The following MRPL48 variants were observed in gnomAD, a reference collection of about 807,000 sequenced individuals.
MRPL48 encodes the protein mitochondrial ribosomal protein L48.
Under a neutral mutation model 32.9 loss-of-function variants are expected in MRPL48, and 16 were observed. The ratio of observed to expected loss-of-function variants is 0.49; its 90% CI spans 0.33 to 0.74. MRPL48 has a LOEUF of 0.74. Among genes scored for constraint, MRPL48 ranks in the 30% least tolerant of loss-of-function variants. The pLI is 0.02. For synonymous variants in MRPL48, 94 were observed against 89.2 expected, an observed-to-expected ratio of 1.05 and a Z score of -0.31; for missense variants, 206 against 245.3, an observed-to-expected ratio of 0.84 and a Z score of 1.07.
At chr11:73,802,525 A>G (rs542859853) in intron 1 of MRPL48, among the ~76,000 whole-genome samples, 1 of 152,220 alleles carries the variant, frequency 6.6e-6, no homozygotes, top group Non-Finnish European at 1.5e-5. Context: ...TCCTTTCTCC[A>G]TAGATTTCAC....
intron 1 of MRPL48, among the ~76,000 whole-genome samples, chr11:73,799,889 A>G (rs1453127318): frequency 1.3e-5 from 2 of 152,182 alleles, no homozygotes; most frequent in East Asian, 3.8e-4. Context: ...TTGAATGGCT[A>G]TTATCATTAG....
At chr11:73,858,565 G>A (rs1023947206) in intron 5 of MRPL48, among the ~76,000 whole-genome samples, 5 of 152,164 alleles carry the variant, frequency 3.3e-5, no homozygotes, top group Admixed American at 6.5e-5. Flanking sequence ...GTGAGCCACC[G>A]CGCCTGGCCT....
At chr11:73,788,129 T>G (rs1173672542) in intron 1 of MRPL48, 137 bp downstream of exon 1, 1 of 1,309,524 alleles carries the variant, frequency 7.6e-7, no homozygotes, top group Non-Finnish European at 1.0e-6. Flanking sequence ...CCAAGGTCCT[T>G]CCCAGCAGCA....
intron 1 of MRPL48, among the ~76,000 whole-genome samples, chr11:73,803,438 A>ATT (rs35911178): frequency 6.8e-6 from 1 of 147,966 alleles, no homozygotes; most frequent in Non-Finnish European, 1.5e-5. Context: ...GCCTAGAGTG[A>ATT]TTTTTTTTTT....
In MRPL48 at chr11:73,864,317, G is replaced by A. The variant is rs1302353211; in HGVS notation, c.586G>A (p.Gly196Arg). The A allele has an allele frequency of 8.1e-6, 13 of 1,613,770 alleles. 1 individual carries two copies. The Admixed American group carries it at 1.5e-4, about 19-fold the overall frequency. The change falls in exon 8 of 8, where the codon GGA (glycine) becomes AGA (arginine). Residue 196 changes from glycine (G) to arginine (R), a missense_variant. Physicochemically the swap from Gly to Arg is moderately radical, Grantham distance 125 (BLOSUM62 -2). Coordinates refer to ENST00000310614, the MANE Select transcript of MRPL48 (RefSeq NM_016055.6). ...TTAGCACACTGAAGAAGACTTCAAGGGACGATTCAAAGCTCGACCAGAACT... is the reference window on the plus strand; with the variant it reads ...TTAGCACACTGAAGAAGACTTCAAGAGACGATTCAAAGCTCGACCAGAACT... ...VKEHTEEDFKGRFKARPELEE... is the reference protein window; with the variant it reads ...VKEHTEEDFKRRFKARPELEE...
chr11:73,845,153 C>A, intron 5 of MRPL48, 177 bp downstream of exon 5: 1 of 572,508 alleles, frequency 1.7e-6, no homozygotes, highest in Non-Finnish European at 2.7e-6. Flanking sequence ...TTCTTTGGTG[C>A]CCTGGTGTAG....
intron 3 of MRPL48, among the ~76,000 whole-genome samples, chr11:73,809,459 A>G (rs970090087): frequency 1.1e-4 from 16 of 151,432 alleles, no homozygotes; most frequent in African/African-American, 3.9e-4. Flanking sequence ...AGCCGAGATC[A>G]TACCACTGCA....
chr11:73,844,475 A>G (rs1948250162), intron 4 of MRPL48, among the ~76,000 whole-genome samples: 2 of 152,172 alleles, frequency 1.3e-5, no homozygotes, highest in South Asian at 4.1e-4. Context: ...CCATTGGTTT[A>G]CAAATTGAGT....
chr11:73,816,517 G>A (rs1023467878), intron 3 of MRPL48, among the ~76,000 whole-genome samples: 2 of 151,896 alleles, frequency 1.3e-5, no homozygotes, highest in African/African-American at 4.8e-5. Flanking sequence ...CCAGGCTAGA[G>A]AGCAATGGCA....
chr11:73,828,548 G>C (rs937750575), intron 4 of MRPL48, among the ~76,000 whole-genome samples: 9 of 152,122 alleles, frequency 5.9e-5, no homozygotes, highest in Non-Finnish European at 1.3e-4. Flanking sequence ...TTACAAAATG[G>C]ATGAACAAGA....
At chr11:73,831,563 G>A (rs1947994733) in intron 4 of MRPL48, among the ~76,000 whole-genome samples, 1 of 151,908 alleles carries the variant, frequency 6.6e-6, no homozygotes. Context: ...TCAAAGTGTA[G>A]ATCTCATTAT....
intron 4 of MRPL48, among the ~76,000 whole-genome samples, chr11:73,837,510 G>A (rs571834184): frequency 6.6e-6 from 1 of 152,172 alleles, no homozygotes; most frequent in East Asian, 1.9e-4. Flanking sequence ...CAGTAACCTT[G>A]GGCAAATAAC....
intron 3 of MRPL48, among the ~76,000 whole-genome samples, chr11:73,810,367 C>A (rs1279810832): frequency 6.6e-6 from 1 of 151,830 alleles, no homozygotes; most frequent in African/African-American, 2.4e-5. Flanking sequence ...ACTAAAAATA[C>A]AAAATTAGCC....
chr11:73,816,800 G>A (rs1481545918), intron 3 of MRPL48, among the ~76,000 whole-genome samples: 6 of 150,936 alleles, frequency 4.0e-5, no homozygotes, highest in Admixed American at 2.6e-4. Flanking sequence ...TACCTAATTC[G>A]GATGTCATTT....
At chr11:73,836,133 T>C (rs969947802) in intron 4 of MRPL48, among the ~76,000 whole-genome samples, 5 of 151,648 alleles carry the variant, frequency 3.3e-5, no homozygotes, top group Admixed American at 3.3e-4. Context: ...TATTTACTTT[T>C]TTTGAGACAG....
chr11:73,855,572 C>A (rs1346022601), intron 5 of MRPL48, among the ~76,000 whole-genome samples: 2 of 152,202 alleles, frequency 1.3e-5, no homozygotes, highest in Non-Finnish European at 2.9e-5. Context: ...ACTGCAACCT[C>A]TGCTGCCCAG....
At chr11:73,793,313 C>T (rs761724924) in intron 1 of MRPL48, among the ~76,000 whole-genome samples, 4 of 152,210 alleles carry the variant, frequency 2.6e-5, no homozygotes, top group Non-Finnish European at 5.9e-5. Flanking sequence ...GATCCGCCCA[C>T]CTTGGCCTCC....
intron 3 of MRPL48, among the ~76,000 whole-genome samples, chr11:73,810,483 T>G (rs988112929): frequency 3.9e-5 from 6 of 151,924 alleles, no homozygotes; most frequent in African/African-American, 1.5e-4. Flanking sequence ...ATCGTGCCAT[T>G]GCACTCCAGC....
chr11:73,807,292 C>T (rs1034466103), intron 2 of MRPL48, among the ~76,000 whole-genome samples: 17 of 152,168 alleles, frequency 1.1e-4, no homozygotes, highest in African/African-American at 3.9e-4. Context: ...ATGTATTGTA[C>T]ATCTTCCCGA....
Sources: allele counts gnomAD v4.1 joint callset (sites outside exome capture counted in the v4.1 genomes callset), GRCh38; gene constraint gnomAD v4.1.1; transcripts MANE v1.5; gene names NCBI Gene and HGNC (gene_info 2026-07-23, HGNC 2026-07-21).